Variants in SLC7A14 observed in about 807,000 individuals in gnomAD.
SLC7A14 encodes gamma-aminobutyric acid transporter SLC7A14.
In SLC7A14, 37 loss-of-function variants were observed where a neutral mutation model predicts 60.2. That is an observed-to-expected ratio of 0.61 (90% CI 0.47 to 0.81). The LOEUF is 0.81. SLC7A14 is among the 30% of genes least tolerant of loss of function. SLC7A14 has a pLI of 0.00. For missense variants in SLC7A14, 886 were observed against 982.7 expected, an observed-to-expected ratio of 0.90 and a Z score of 1.32; for synonymous variants, 399 against 395.8, an observed-to-expected ratio of 1.01 and a Z score of -0.10.
chr3:170,473,580 G>A (rs2108265159), intron 7 of SLC7A14, among the ~76,000 whole-genome samples: 1 of 152,310 alleles, frequency 6.6e-6, no homozygotes, highest in Non-Finnish European at 1.5e-5. Context: ...TGACTACTCT[G>A]GGATCAACTT....
chr3:170,495,525 C>T, intron 4 of SLC7A14: 1 of 744,302 alleles, frequency 1.3e-6, no homozygotes, highest in South Asian at 1.6e-5. Context: ...CACGAATGGG[C>T]CTGGTGCCCA....
At chr3:170,543,157 T>G (rs1477548541) in intron 1 of SLC7A14, among the ~76,000 whole-genome samples, 1 of 152,178 alleles carries the variant, frequency 6.6e-6, no homozygotes, top group Non-Finnish European at 1.5e-5. Context: ...AGACAGTCAC[T>G]CTCTCAGATC....
chr3:170,497,677 T>C (rs973635265), intron 4 of SLC7A14, among the ~76,000 whole-genome samples: 3 of 152,254 alleles, frequency 2.0e-5, no homozygotes, highest in African/African-American at 7.2e-5. Flanking sequence ...CTCTGATTTA[T>C]GTTCTACCAT....
intron 1 of SLC7A14, among the ~76,000 whole-genome samples, chr3:170,556,510 G>C (rs1427380137): frequency 1.3e-5 from 2 of 152,046 alleles, no homozygotes. Context: ...TATGTGTAGG[G>C]CTCCTTGTAA....
chr3:170,553,033 C>T, intron 1 of SLC7A14, among the ~76,000 whole-genome samples: 1 of 152,190 alleles, frequency 6.6e-6, no homozygotes, highest in East Asian at 1.9e-4. Context: ...CCTGCAAAAG[C>T]CTTGCTGTTC....
intron 2 of SLC7A14, among the ~76,000 whole-genome samples, chr3:170,517,991 T>C (rs1189698464): frequency 6.6e-6 from 1 of 152,214 alleles, no homozygotes; most frequent in Non-Finnish European, 1.5e-5. Flanking sequence ...GCTACAAAGA[T>C]CTCAGAGATA....
chr3:170,493,636 C>T (rs773901823), intron 4 of SLC7A14, among the ~76,000 whole-genome samples: 7 of 152,104 alleles, frequency 4.6e-5, no homozygotes, highest in East Asian at 1.9e-4. Context: ...GGTAACAGAG[C>T]GAGGAATGTG....
intron 4 of SLC7A14, among the ~76,000 whole-genome samples, chr3:170,491,565 A>G (rs1386503269): frequency 1.3e-5 from 2 of 152,130 alleles, no homozygotes; most frequent in African/African-American, 4.8e-5. Flanking sequence ...ATGCTGAGGC[A>G]TCAGAGACTT....
chr3:170,483,423 A>C lies in SLC7A14; in HGVS notation c.1006T>G (p.Phe336Val), dbSNP rs1030217689. 1 of 1,614,206 alleles carries C rather than the reference A, an allele frequency of 6.2e-7. No individual in the cohort carries two copies. Residue 336 changes from phenylalanine to valine, a missense_variant, in exon 6 of 8, where the codon TTC (phenylalanine) becomes GTC (valine). Phe to Val is a conservative substitution (Grantham distance 50). Transcript: ENST00000231706. ...GCAACCGACCCAATGGCCACTACGAATTTGGCAGCATAGAACCCATGAGCC... is the reference window on the plus strand; with the variant it reads ...GCAACCGACCCAATGGCCACTACGACTTTGGCAGCATAGAACCCATGAGCC... ...FVAHGFYAAK[F>V]VVAIGSVAGL...
chr3:170,544,082 T>C (rs758894349), intron 1 of SLC7A14, among the ~76,000 whole-genome samples: 4 of 152,060 alleles, frequency 2.6e-5, no homozygotes, highest in Admixed American at 6.6e-5. Flanking sequence ...AAGAGTATTT[T>C]AATAAATAAG....
intron 2 of SLC7A14, 103 bp from the exon 3 acceptor site, chr3:170,501,448 A>C: frequency 1.1e-6 from 1 of 926,264 alleles, no homozygotes; most frequent in Non-Finnish European, 1.7e-6. Flanking sequence ...CTAGGATCTC[A>C]GAACAAATAC....
chr3:170,491,341 A>T (rs1178380577), intron 4 of SLC7A14, among the ~76,000 whole-genome samples: 1 of 152,220 alleles, frequency 6.6e-6, no homozygotes, highest in Non-Finnish European at 1.5e-5. Context: ...TGCAAAGAGG[A>T]TGTCTCTTAG....
At chr3:170,485,409 C>T (rs1267986411) in intron 5 of SLC7A14, among the ~76,000 whole-genome samples, 1 of 152,188 alleles carries the variant, frequency 6.6e-6, no homozygotes, top group Non-Finnish European at 1.5e-5. Flanking sequence ...CCAGCTCTTT[C>T]CTAATTGTGG....
intron 1 of SLC7A14, among the ~76,000 whole-genome samples, chr3:170,556,104 T>C (rs2108307693): frequency 6.6e-6 from 1 of 151,468 alleles, no homozygotes; most frequent in African/African-American, 2.5e-5. Flanking sequence ...AAAATATGGT[T>C]TACCTCCCTG....
At chr3:170,517,775 T>G (rs2108289440) in intron 2 of SLC7A14, among the ~76,000 whole-genome samples, 1 of 152,138 alleles carries the variant, frequency 6.6e-6, no homozygotes. Context: ...TCCATTACCA[T>G]GAGCTTGCCT....
At chr3:170,550,752 C>T (rs2108304932) in intron 1 of SLC7A14, among the ~76,000 whole-genome samples, 1 of 151,844 alleles carries the variant, frequency 6.6e-6, no homozygotes. Flanking sequence ...GAACTCCTGA[C>T]CTCAGGTGAT....
In SLC7A14 at chr3:170,519,730, C is replaced by T. The variant is rs529130641; in HGVS notation, c.304+6903G>A. 1.8e-4 allele frequency among the ~76,000 whole-genome samples: 28 copies of T among 152,272 alleles called. No homozygotes were observed. In the South Asian group the frequency reaches 5.0e-3, roughly 27 times the overall value. On this transcript the variant is annotated intron_variant, in intron 2 of 7. Transcript: ENST00000231706. ...GGTGTAGGTTGCAGTGAGCCAAGATCGTGCCACTGCACTCCAGCCTGGGCA... is the reference window on the plus strand; with the variant it reads ...GGTGTAGGTTGCAGTGAGCCAAGATTGTGCCACTGCACTCCAGCCTGGGCA...
intron 1 of SLC7A14, among the ~76,000 whole-genome samples, chr3:170,548,085 T>C (rs1203715201): frequency 1.3e-5 from 2 of 152,206 alleles, no homozygotes; most frequent in Non-Finnish European, 2.9e-5. Flanking sequence ...CTTTGCCCAT[T>C]TCCATATGAA....
intron 2 of SLC7A14, among the ~76,000 whole-genome samples, chr3:170,501,678 C>A (rs546679177): frequency 2.0e-5 from 3 of 152,258 alleles, no homozygotes; most frequent in African/African-American, 7.2e-5. Context: ...CAATTCATCA[C>A]GACCCCCACC....
Sources: allele counts gnomAD v4.1 joint callset (sites outside exome capture counted in the v4.1 genomes callset), GRCh38; gene constraint gnomAD v4.1.1; transcripts MANE v1.5; gene names NCBI Gene and HGNC (gene_info 2026-07-23, HGNC 2026-07-21).